Variants in ARFGAP3 observed in about 807,000 individuals in gnomAD.
ARFGAP3 encodes the protein ARF GTPase activating protein 3.
Under a neutral mutation model 75.0 loss-of-function variants are expected in ARFGAP3, and 72 were observed. The ratio of observed to expected loss-of-function variants is 0.96; its 90% CI spans 0.79 to 1.17. The LOEUF (loss-of-function observed/expected upper bound fraction) is 1.17. Among genes scored for constraint, ARFGAP3 ranks in the 50% most tolerant of loss-of-function variants. The probability of loss-of-function intolerance (pLI) is 0.00; values close to 1 mark genes in which losing one functional copy is unlikely to be tolerated. For missense variants in ARFGAP3, 620 were observed against 626.6 expected (o/e 0.99, Z 0.11); for synonymous variants, 221 against 217.9 (o/e 1.01, Z -0.13).
intron 11 of ARFGAP3, among the ~76,000 whole-genome samples, chr22:42,811,270 T>C (rs1925356871): frequency 2.0e-5 from 3 of 152,260 alleles, no homozygotes; most frequent in Admixed American, 2.0e-4. Context: ...GAGAACCACC[T>C]GAACCCTTAG....
At chr22:42,827,948 C>A (rs554574801) in intron 6 of ARFGAP3, among the ~76,000 whole-genome samples, 82 of 152,172 alleles carry the variant, frequency 5.4e-4, no homozygotes, top group African/African-American at 1.8e-3. Context: ...CCCAACCATA[C>A]TTTGTTATTT....
At position 42,796,664 on chromosome 22, in the gene ARFGAP3, C is replaced by T. The variant is rs1163353164; in HGVS notation, c.*924G>A. 6.6e-6 allele frequency: 1 copy of T among 152,218 alleles called. No homozygotes were observed. The highest frequency in any genetic ancestry group is 1.5e-5 in the Non-Finnish European group (1 of 68,036). The allele number at this position is 152,218 out of a possible 1,614,324, so 9.4% of individuals were successfully genotyped here. ...ATTTTACTGTGCTGAACAATATATT[C>T]TAATGCTGTCTAAAACACAGCTAAA... is the stretch of plus-strand genomic sequence containing the variant. On this transcript the variant is annotated 3_prime_UTR_variant, in exon 16 of 16. Transcript: ENST00000263245.
At chr22:42,797,730 T>C in intron 15 of ARFGAP3, 125 bp from the exon 16 acceptor site, 1 of 1,595,082 alleles carries the variant, frequency 6.3e-7, no homozygotes, top group East Asian at 2.3e-5. Flanking sequence ...ACATGGACGC[T>C]GCACCCCGAG....
At chr22:42,849,209 CA>C (rs1349589360) in intron 1 of ARFGAP3, among the ~76,000 whole-genome samples, 1 of 152,206 alleles carries the variant, frequency 6.6e-6, no homozygotes, top group Non-Finnish European at 1.5e-5. Flanking sequence ...AAGTCACCCC[CA>C]AATTCCTGAC....
chr22:42,808,911 A>T, intron 12 of ARFGAP3, 21 bp from the exon 13 acceptor site: 1 of 1,577,382 alleles, frequency 6.3e-7, no homozygotes, highest in Non-Finnish European at 8.6e-7. Flanking sequence ...AAACAGCCAA[A>T]TTAGGTTAAA....
intron 2 of ARFGAP3, among the ~76,000 whole-genome samples, chr22:42,842,365 C>G (rs936876360): frequency 7.3e-6 from 1 of 136,350 alleles, no homozygotes; most frequent in African/African-American, 2.8e-5. Flanking sequence ...CCAAGATGGT[C>G]TAGAACTCCT....
rs1925241345 is a variant in ARFGAP3, at chr22:42,808,846, G to A, written c.1241C>T (p.Thr414Ile). Residue 414 changes from threonine (T) to isoleucine (I), a missense_variant, in exon 13 of 16, where the codon ACA becomes ATA. Thr to Ile is a moderately conservative substitution (Grantham distance 89). Transcript: ENST00000263245. ...RKPDYEPVENTDEAQKKFGNV... is the reference protein window; with the variant it reads ...RKPDYEPVENIDEAQKKFGNV... ...GCCAAACTTCTTCTGGGCCTCATCT[G>A]TATTTTCAACTGGCTCATAATCTGG... The A allele has an allele frequency of 1.9e-6, 3 of 1,613,190 alleles. No individual in the cohort carries two copies. The highest frequency in any genetic ancestry group is 2.5e-6 in the Non-Finnish European group (3 of 1,179,558).
At chr22:42,826,876 G>C in intron 7 of ARFGAP3, 64 bp downstream of exon 7, 1 of 1,452,594 alleles carries the variant, frequency 6.9e-7, no homozygotes, top group Non-Finnish European at 9.5e-7. Context: ...AATGCAAGAG[G>C]ATTTATTTTT....
chr22:42,834,084 C>T (rs138081522), intron 5 of ARFGAP3, among the ~76,000 whole-genome samples, 158 bp downstream of exon 5: 80 of 152,302 alleles, frequency 5.3e-4, no homozygotes, highest in African/African-American at 1.5e-3. Context: ...GATATCCTAA[C>T]CTTGGAATTG....
At position 42,822,207 on chromosome 22, in the gene ARFGAP3, C is replaced by T. The variant is rs564530759; in HGVS notation, c.812+63G>A. On this transcript the variant is annotated intron_variant, in intron 9 of 15. Coordinates refer to ENST00000263245, the MANE Select transcript of ARFGAP3 (RefSeq NM_014570.5). ...ACAAAAATACATGGCATTTGGAAAG[C>T]AAAATCTTGAGTTAATAGTTTTATT... The T allele has an allele frequency of 2.4e-5, 34 of 1,433,470 alleles. No individual in the cohort carries two copies. The Admixed American group carries it at 6.3e-4, about 27-fold the overall frequency. The allele number at this position is 1,433,470 out of a possible 1,614,324, so 88.8% of individuals were successfully genotyped here.
chr22:42,807,490 A>C (rs904310537), intron 13 of ARFGAP3, among the ~76,000 whole-genome samples: 1 of 152,124 alleles, frequency 6.6e-6, no homozygotes, highest in South Asian at 2.1e-4. Context: ...CCACTCTAAG[A>C]GTCTCTTTTC....
intron 13 of ARFGAP3, among the ~76,000 whole-genome samples, chr22:42,807,775 TATG>T (rs1421663107): frequency 4.6e-5 from 7 of 151,890 alleles, no homozygotes; most frequent in Admixed American, 2.6e-4. Flanking sequence ...AAGACTTCAC[TATG>T]ATGAGTTCAT....
chr22:42,839,374 A>G (rs547532078), intron 3 of ARFGAP3, among the ~76,000 whole-genome samples: 1 of 152,078 alleles, frequency 6.6e-6, no homozygotes, highest in Non-Finnish European at 1.5e-5. Context: ...CAAGGCAGGC[A>G]GATCACTTGA....
intron 13 of ARFGAP3, chr22:42,807,419 G>T: frequency 4.5e-6 from 1 of 221,840 alleles, no homozygotes; most frequent in Non-Finnish European, 7.6e-6. Flanking sequence ...GGCCGTCGGA[G>T]TGAGGGAGGG....
intron 7 of ARFGAP3, among the ~76,000 whole-genome samples, chr22:42,826,350 A>G (rs1014438030): frequency 3.3e-5 from 5 of 151,822 alleles, no homozygotes; most frequent in African/African-American, 1.2e-4. Flanking sequence ...CAAAACCATC[A>G]GCAGCCATAT....
At chr22:42,798,777 T>G (rs1456819167) in intron 15 of ARFGAP3, among the ~76,000 whole-genome samples, 1 of 152,226 alleles carries the variant, frequency 6.6e-6, no homozygotes, top group Non-Finnish European at 1.5e-5. Flanking sequence ...TTCTTAATAC[T>G]TCTCTGTTCC....
In ARFGAP3 at chr22:42,817,281, A is replaced by C. The variant is rs1925620083; in HGVS notation, c.942-17T>G. ...GAAATAACACTTGAGAAAACAGAAA[A>C]ATATATATATCAGTAAGTTCACAAA... On this transcript the variant is annotated splice_polypyrimidine_tract_variant and intron_variant, in intron 10 of 15. Coordinates refer to ENST00000263245, the MANE Select transcript of ARFGAP3 (RefSeq NM_014570.5). 1 of 1,588,874 alleles carries C rather than the reference A, an allele frequency of 6.3e-7. No individual in the cohort carries two copies. The highest frequency in any genetic ancestry group is 1.4e-5 in the African/African-American group (1 of 74,022).
chr22:42,844,541 T>C lies in ARFGAP3; in HGVS notation c.188+2973A>G, dbSNP rs568231809. On this transcript the variant is annotated intron_variant, in intron 2 of 15. Transcript: ENST00000263245. ...CGGAGGTTGCAGTGAGCTGAGATCA[T>C]GCCATTGCACTCCAGCCGAGGGGAT... Among the ~76,000 whole-genome samples, 33 of 149,062 alleles carry C rather than the reference T, an allele frequency of 2.2e-4. No homozygotes were observed. In the South Asian group the frequency reaches 7.0e-3, roughly 32 times the overall value.
At chr22:42,856,086 AG>A (rs1377748361) in intron 1 of ARFGAP3, among the ~76,000 whole-genome samples, 3 of 152,172 alleles carry the variant, frequency 2.0e-5, no homozygotes, top group Non-Finnish European at 1.5e-5. Flanking sequence ...AGAACAGTAA[AG>A]AAACGGGCAC....
Sources: allele counts gnomAD v4.1 joint callset (sites outside exome capture counted in the v4.1 genomes callset), GRCh38; gene constraint gnomAD v4.1.1; transcripts MANE v1.5; gene names NCBI Gene and HGNC (gene_info 2026-07-23, HGNC 2026-07-21).